The following BLTP1 variants were observed in gnomAD, a reference collection of about 807,000 sequenced individuals.
The protein encoded by BLTP1 is fragile site-associated protein.
chr4:122,313,559 T>C, the BLTP1 span: 3 of 1,165,756 alleles, frequency 2.6e-6, no homozygotes, highest in Non-Finnish European at 3.6e-6. Flanking sequence ...TGTGAAAAAT[T>C]AAAGAGTACA....
chr4:122,335,838 A>T, the BLTP1 span, among the ~76,000 whole-genome samples: 1 of 152,122 alleles, frequency 6.6e-6, no homozygotes, highest in Non-Finnish European at 1.5e-5. Context: ...GGAAAGCCTG[A>T]AAACAGTGAC....
chr4:122,261,069 T>C, the BLTP1 span, among the ~76,000 whole-genome samples: 1 of 152,194 alleles, frequency 6.6e-6, no homozygotes, highest in Non-Finnish European at 1.5e-5. Context: ...AGGGATCCAG[T>C]ATATTGGAAC....
the BLTP1 span, chr4:122,292,688 T>C: frequency 4.6e-6 from 3 of 657,718 alleles, no homozygotes; most frequent in Non-Finnish European, 5.6e-6. Context: ...ATTAAGAAAA[T>C]GGAAATTGAT....
the BLTP1 span, among the ~76,000 whole-genome samples, chr4:122,332,341 ATTAGT>A: frequency 6.6e-6 from 1 of 152,080 alleles, no homozygotes; most frequent in African/African-American, 2.4e-5. Flanking sequence ...AAGGATGACT[ATTAGT>A]TTATTTTTGA....
At chr4:122,166,872 A>G in the BLTP1 span, among the ~76,000 whole-genome samples, 1 of 152,012 alleles carries the variant, frequency 6.6e-6, no homozygotes, top group African/African-American at 2.4e-5. Context: ...TTGGCTCTCT[A>G]TCATTCATTT....
chr4:122,193,521 T>A, the BLTP1 span: 2 of 330,876 alleles, frequency 6.0e-6, no homozygotes, highest in Non-Finnish European at 8.6e-6. Flanking sequence ...TATTTTAAAG[T>A]ATTTTTAATT....
the BLTP1 span, chr4:122,308,207 T>C: frequency 6.3e-7 from 1 of 1,589,476 alleles, no homozygotes; most frequent in South Asian, 1.1e-5. Flanking sequence ...CAGGCATTTC[T>C]ACATAACCAT....
the BLTP1 span, chr4:122,174,430 C>T: frequency 7.2e-7 from 1 of 1,391,396 alleles, no homozygotes. Context: ...GATGGAAAAT[C>T]AGTAAGGCTG....
chr4:122,155,099 G>T, the BLTP1 span: 1 of 193,706 alleles, frequency 5.2e-6, no homozygotes, highest in East Asian at 1.9e-4. Context: ...GGTCTTCATG[G>T]CCCTGGAGAA....
At chr4:122,174,859 T>C in the BLTP1 span, among the ~76,000 whole-genome samples, 1 of 152,144 alleles carries the variant, frequency 6.6e-6, no homozygotes, top group Non-Finnish European at 1.5e-5. Context: ...AAAATAGCTG[T>C]TTATAGAAAT....
the BLTP1 span, chr4:122,336,859 C>T: frequency 1.3e-6 from 2 of 1,585,360 alleles, no homozygotes; most frequent in Non-Finnish European, 1.7e-6. Flanking sequence ...AATAATAAAA[C>T]TTAACCAAAT....
At chr4:122,353,074 C>T in the BLTP1 span, 1 of 1,613,330 alleles carries the variant, frequency 6.2e-7, no homozygotes, top group Non-Finnish European at 8.5e-7. The surrounding 1 kb of genome is among the most constrained non-coding windows in gnomAD (Gnocchi z 4.3). Context: ...TCCAAATTTT[C>T]GTTCAAAATC....
chr4:122,349,412 G>T, the BLTP1 span: 85 of 1,562,094 alleles, frequency 5.4e-5, 1 homozygote, highest in South Asian at 9.8e-4. The surrounding 1 kb of genome is among the most constrained non-coding windows in gnomAD (Gnocchi z 4.5). Context: ...TTTTCCCATG[G>T]ACATGTCTGT....
the BLTP1 span, among the ~76,000 whole-genome samples, chr4:122,318,886 T>C: frequency 6.6e-6 from 1 of 152,226 alleles, no homozygotes; most frequent in Non-Finnish European, 1.5e-5. Flanking sequence ...TTTTGTTTTG[T>C]AAAGTTATTA....
chr4:122,199,320 T>A, the BLTP1 span: 2 of 1,603,170 alleles, frequency 1.2e-6, no homozygotes, highest in Non-Finnish European at 1.7e-6. Context: ...ATTTTGTAAT[T>A]GTTTTCCTGG....
the BLTP1 span, among the ~76,000 whole-genome samples, chr4:122,196,422 C>T: frequency 6.6e-6 from 1 of 152,036 alleles, no homozygotes; most frequent in Non-Finnish European, 1.5e-5. Flanking sequence ...TTGAATAGTG[C>T]AAATTTTCTC....
the BLTP1 span, chr4:122,247,271 A>G: frequency 6.2e-7 from 1 of 1,613,560 alleles, no homozygotes; most frequent in Non-Finnish European, 8.5e-7. Flanking sequence ...CTCAGATCAA[A>G]TGCTGGAGCA....
chr4:122,205,451 G>A, the BLTP1 span, among the ~76,000 whole-genome samples: 47 of 151,224 alleles, frequency 3.1e-4, no homozygotes, highest in Middle Eastern at 0.01. Context: ...TTTAAACCCA[G>A]GACTGTCTAA....
the BLTP1 span, among the ~76,000 whole-genome samples, chr4:122,295,380 A>G: frequency 6.6e-6 from 1 of 152,208 alleles, no homozygotes; most frequent in East Asian, 1.9e-4. Context: ...CAGGTCACTT[A>G]CAATGGGAAA....
Sources: allele counts gnomAD v4.1 joint callset (sites outside exome capture counted in the v4.1 genomes callset), GRCh38; gene constraint gnomAD v4.1.1; non-coding constraint Gnocchi (gnomAD v3.1); transcripts MANE v1.5; gene names NCBI Gene and HGNC (gene_info 2026-07-23, HGNC 2026-07-21).